Variants in TDP1 observed in about 807,000 individuals in gnomAD.
TDP1 encodes the protein tyrosyl-DNA phosphodiesterase 1, also known as tyr-DNA phosphodiesterase 1.
TDP1 carries 64 observed loss-of-function variants against 81.5 expected under a neutral mutation model. That is an observed-to-expected ratio of 0.79 (90% confidence interval 0.64 to 0.97). The LOEUF (loss-of-function observed/expected upper bound fraction) is 0.97, where lower values mean the gene tolerates loss of function less well. Among genes scored for constraint, TDP1 ranks in the 50% least tolerant of loss-of-function variants. The pLI, the probability that TDP1 is intolerant of heterozygous loss-of-function variation, is 0.00. For synonymous variants in TDP1, 256 were observed against 264.3 expected (o/e 0.97, Z 0.30); for missense variants, 723 against 743.8 (o/e 0.97, Z 0.33).
At chr14:90,000,539 C>T (rs1044174494) in intron 14 of TDP1, among the ~76,000 whole-genome samples, 7 of 152,114 alleles carry the variant, frequency 4.6e-5, no homozygotes, top group Admixed American at 3.3e-4. Flanking sequence ...CATGCGCCAC[C>T]AGACCACGGC....
intron 14 of TDP1, among the ~76,000 whole-genome samples, chr14:90,015,377 T>C (rs1276777757): frequency 1.3e-5 from 2 of 152,206 alleles, no homozygotes; most frequent in African/African-American, 2.4e-5. Flanking sequence ...AATGTTCATA[T>C]TGGGGACTCA....
rs983959456 is a variant in TDP1 at position 89,967,021 on chromosome 14, A to T, written c.604-346A>T. 4 of 984,730 alleles carry T rather than the reference A, an allele frequency of 4.1e-6. No homozygotes were observed. In the African/African-American group the frequency reaches 7.0e-5, roughly 17 times the overall value. The allele number at this position is 984,730 out of a possible 1,614,324, so 61.0% of individuals were successfully genotyped here. ...GTCTTTTTATAATCACCTAGGGGAA[A>T]AGGGATAAATTTATAAATCCTTTTA... On this transcript the variant is annotated intron_variant, in intron 4 of 16. Coordinates refer to ENST00000335725, the MANE Select transcript of TDP1 (RefSeq NM_018319.4).
chr14:89,964,784 A>G (rs1044599718), intron 3 of TDP1: 5 of 377,966 alleles, frequency 1.3e-5, no homozygotes, highest in African/African-American at 6.5e-5. Context: ...ATAACCGGCA[A>G]TTAGCACCAA....
At chr14:90,041,137 G>A (rs532678662) in intron 16 of TDP1, among the ~76,000 whole-genome samples, 1 of 152,210 alleles carries the variant, frequency 6.6e-6, no homozygotes, top group African/African-American at 2.4e-5. Context: ...GAATGAAGCA[G>A]AGCTGATGTT....
chr14:90,020,577 T>TCCCTC (rs1566915918), intron 15 of TDP1, among the ~76,000 whole-genome samples: 1 of 11,282 alleles, frequency 8.9e-5, no homozygotes, highest in African/African-American at 8.7e-4. Flanking sequence ...CTCCCTTCCT[T>TCCCTC]CCTTCCCTCC....
intron 16 of TDP1, 27 bp from the exon 17 acceptor site, chr14:90,043,043 A>G (rs893357546): frequency 6.2e-7 from 1 of 1,614,106 alleles, no homozygotes. Context: ...ATTCAAATAA[A>G]TATTACGTAA....
chr14:90,016,034 G>A (rs1411981862), intron 14 of TDP1, among the ~76,000 whole-genome samples: 1 of 151,000 alleles, frequency 6.6e-6, no homozygotes, highest in Admixed American at 6.6e-5. Flanking sequence ...TGAGACAGCA[G>A]CCTTTTTTTT....
chr14:90,018,043 T>C (rs1293334279), intron 14 of TDP1, among the ~76,000 whole-genome samples: 2 of 152,018 alleles, frequency 1.3e-5, no homozygotes, highest in African/African-American at 4.8e-5. Flanking sequence ...CATTCTTCTT[T>C]CTCTGTTCCC....
At chr14:89,991,645 G>A (rs781209698) in intron 12 of TDP1, 10 of 984,474 alleles carry the variant, frequency 1.0e-5, no homozygotes, top group Non-Finnish European at 1.2e-5. Context: ...ACTATACTTC[G>A]TAAAGTATAT....
Position 89,971,288 on chromosome 14 carries a change from CG to C in TDP1, c.756+18del. 1 of 1,591,208 alleles carries C rather than the reference CG, an allele frequency of 6.3e-7. No homozygotes were observed. Among genetic ancestry groups the C allele is most frequent in the South Asian group, 1.1e-5 (1 of 90,642 alleles). On this transcript the variant is annotated intron_variant, in intron 6 of 16. Transcript: ENST00000335725. ...CTCTGCCAGGTAAGCCACTTACTGC[CG>C]TTGGAGAGCACGCGTAGTCTGAGTT... is the stretch of plus-strand genomic sequence containing the variant.
At chr14:89,986,180 G>A (rs778693007) in intron 10 of TDP1, among the ~76,000 whole-genome samples, 5 of 152,238 alleles carry the variant, frequency 3.3e-5, no homozygotes, top group Admixed American at 6.5e-5. Flanking sequence ...AAGCAGGCAA[G>A]ATCTTGAAGA....
intron 14 of TDP1, 150 bp from the exon 15 acceptor site, chr14:90,019,166 C>G: frequency 5.6e-6 from 8 of 1,427,052 alleles, no homozygotes; most frequent in African/African-American, 1.4e-5. Context: ...TTTAAATTCT[C>G]TTTTCAAAAA....
At chr14:90,028,882 G>C (rs933341358) in intron 15 of TDP1, among the ~76,000 whole-genome samples, 1 of 152,184 alleles carries the variant, frequency 6.6e-6, no homozygotes, top group East Asian at 1.9e-4. Flanking sequence ...CTGTGGCCAC[G>C]ATATATTTGA....
chr14:89,989,474 A>G (rs953216535), intron 11 of TDP1: 4 of 964,382 alleles, frequency 4.1e-6, no homozygotes, highest in Admixed American at 6.2e-5. Flanking sequence ...TTTCCATTCA[A>G]TGTTAACTTG....
At chr14:90,015,753 C>T (rs893926902) in intron 14 of TDP1, among the ~76,000 whole-genome samples, 4 of 152,142 alleles carry the variant, frequency 2.6e-5, no homozygotes, top group Admixed American at 6.5e-5. Flanking sequence ...TTCATGAGGA[C>T]CCCCTCCTCA....
At chr14:90,010,393 C>T (rs1194897236) in intron 14 of TDP1, among the ~76,000 whole-genome samples, 2 of 152,170 alleles carry the variant, frequency 1.3e-5, no homozygotes, top group Non-Finnish European at 2.9e-5. Context: ...AGAATAATGG[C>T]CACCCAAAGA....
chr14:89,982,621 G>T (rs944060806), intron 8 of TDP1, among the ~76,000 whole-genome samples: 1 of 152,080 alleles, frequency 6.6e-6, no homozygotes, highest in Admixed American at 6.5e-5. Context: ...GGAGGGAAGA[G>T]GCAGGGATAA....
Position 90,031,582 on chromosome 14 carries a change from G to A in TDP1, c.1645-1524G>A, listed in dbSNP as rs547145461. On this transcript the variant is annotated intron_variant, in intron 15 of 16. Coordinates refer to ENST00000335725, the MANE Select transcript of TDP1 (RefSeq NM_018319.4). ...TGAGGCATGAGAACTGCTTGAACCC[G>A]GGTGGCAGAGGCTGCAGTGAGCCGA... 1.9e-4 allele frequency among the ~76,000 whole-genome samples: 28 copies of A among 150,860 alleles called. No homozygotes were observed. The South Asian group carries it at 1.9e-3, about 10-fold the overall frequency.
In TDP1 at chr14:90,026,565, CTCA is replaced by C. The variant is rs534530126; in HGVS notation, c.1645-6536_1645-6534del. Among the ~76,000 whole-genome samples the C allele has an allele frequency of 1.9e-4, 29 of 152,314 alleles. No individual in the cohort carries two copies. In the South Asian group the frequency reaches 5.6e-3, roughly 29 times the overall value. The stretch of plus-strand genomic sequence containing the variant: ...CATGTTGGTGTGCTGCACCCATTAA[CTCA>C]TCATTTACATTAGGTATATCTCCTA... On this transcript the variant is annotated intron_variant, in intron 15 of 16. Coordinates refer to ENST00000335725, the MANE Select transcript of TDP1 (RefSeq NM_018319.4).
Sources: allele counts gnomAD v4.1 joint callset (sites outside exome capture counted in the v4.1 genomes callset), GRCh38; gene constraint gnomAD v4.1.1; transcripts MANE v1.5; gene names NCBI Gene and HGNC (gene_info 2026-07-23, HGNC 2026-07-21).